The following METTL15 variants were observed in gnomAD, a reference collection of about 807,000 sequenced individuals.
METTL15 encodes the protein 12S rRNA N(4)-cytidine methyltransferase METTL15.
Under a neutral mutation model 38.3 loss-of-function variants are expected in METTL15, and 34 were observed. The observed-to-expected ratio is 0.89, with a 90% CI of 0.68 to 1.18. METTL15 has a LOEUF of 1.18. METTL15 is among the 50% of genes most tolerant of loss of function. The pLI is 0.00. For synonymous variants in METTL15, 162 were observed against 170.9 expected (o/e 0.95, Z 0.41); for missense variants, 438 against 498.4 (o/e 0.88, Z 1.15).
At chr11:28,415,715 A>T (rs1301481687) in intron 5 of METTL15, among the ~76,000 whole-genome samples, 1 of 152,208 alleles carries the variant, frequency 6.6e-6, no homozygotes, top group Non-Finnish European at 1.5e-5. Flanking sequence ...TGAAGTCTAC[A>T]TCAATTCCTT....
At chr11:28,140,816 T>TACTTGTATAAGG (rs1849673162) in intron 3 of METTL15, among the ~76,000 whole-genome samples, 1 of 152,230 alleles carries the variant, frequency 6.6e-6, no homozygotes, top group Non-Finnish European at 1.5e-5. Context: ...TGTGAATTCC[T>TACTTGTATAAGG]TGTCGATTCA....
At position 28,366,271 on chromosome 11, in the gene METTL15, G is replaced by C. The variant is rs76563378; in HGVS notation, c.*358+4235G>C. Among the ~76,000 whole-genome samples the C allele has an allele frequency of 2.6e-5, 4 of 152,180 alleles. No homozygotes were observed. The East Asian group carries it at 7.7e-4, about 29-fold the overall frequency. ...TGGAGGGCAAAAGAATGGAGAGAAA[G>C]CCTTGAATCCATATGGCAGAAGAGC... On this transcript the variant is annotated intron_variant and NMD_transcript_variant, in intron 5 of 7. Coordinates refer to the METTL15 transcript ENST00000532947.
At chr11:28,515,231 T>A (rs1851709642) in intron 6 of METTL15, among the ~76,000 whole-genome samples, 1 of 152,146 alleles carries the variant, frequency 6.6e-6, no homozygotes, top group African/African-American at 2.4e-5. Flanking sequence ...TGGCTCTGCT[T>A]TAAGCTTATC....
Position 28,167,199 on chromosome 11 carries a change from A to G in METTL15, c.271-43863A>G, listed in dbSNP as rs184631095. 4.8e-3 allele frequency among the ~76,000 whole-genome samples: 728 copies of G among 152,236 alleles called. 3 individuals are homozygous for G. Among genetic ancestry groups the G allele is most frequent in the Non-Finnish European group, 8.8e-3 (598 of 68,006 alleles). On this transcript the variant is annotated intron_variant, in intron 3 of 6. Transcript: ENST00000407364. ...TATTACAGCGGGAGTTAGGATGGGTATATTTTGGGTGACTATGAGTTGGAA... is the reference window on the plus strand; with the variant it reads ...TATTACAGCGGGAGTTAGGATGGGTGTATTTTGGGTGACTATGAGTTGGAA...
intron 3 of METTL15, chr11:28,144,781 A>G (rs1281524176): frequency 3.9e-5 from 6 of 153,092 alleles, no homozygotes; most frequent in Non-Finnish European, 7.4e-5. Flanking sequence ...AGTAACAGTC[A>G]TACCACTGAT....
At chr11:28,520,569 G>A (rs895991154) in intron 6 of METTL15, among the ~76,000 whole-genome samples, 1 of 152,078 alleles carries the variant, frequency 6.6e-6, no homozygotes, top group Non-Finnish European at 1.5e-5. Context: ...TTATGGTTAG[G>A]CCACCCTGGG....
At chr11:28,302,449 C>T (rs1250237120) in intron 6 of METTL15, among the ~76,000 whole-genome samples, 1 of 152,014 alleles carries the variant, frequency 6.6e-6, no homozygotes, top group African/African-American at 2.4e-5. Context: ...TGGGAGGGAC[C>T]CACTGGGAGA....
chr11:28,144,770 G>A (rs1247952274), intron 3 of METTL15: 1 of 152,832 alleles, frequency 6.5e-6, no homozygotes, highest in Non-Finnish European at 1.5e-5. Context: ...CCTTTCTTTT[G>A]AGTAACAGTC....
At chr11:28,397,142 A>G (rs1030458926) in intron 5 of METTL15, among the ~76,000 whole-genome samples, 26 of 152,246 alleles carry the variant, frequency 1.7e-4, no homozygotes, top group African/African-American at 6.3e-4. Context: ...AAAACCCTAG[A>G]AGAAAACCTA....
At chr11:28,507,800 T>C (rs1170404532) in intron 6 of METTL15, among the ~76,000 whole-genome samples, 1 of 152,212 alleles carries the variant, frequency 6.6e-6, no homozygotes, top group Admixed American at 6.5e-5. Flanking sequence ...AAACTGCTAC[T>C]TCTCAAGTCC....
chr11:28,113,257 C>T, intron 2 of METTL15, 61 bp from the exon 3 acceptor site: 2 of 1,148,470 alleles, frequency 1.7e-6, no homozygotes, highest in Non-Finnish European at 2.5e-6. Flanking sequence ...TTGATTTTCC[C>T]CAAGTATTAG....
chr11:28,459,490 C>T (rs1339123668), intron 6 of METTL15, among the ~76,000 whole-genome samples: 14 of 152,056 alleles, frequency 9.2e-5, no homozygotes, highest in Non-Finnish European at 1.5e-5. Context: ...AATTTCAGGG[C>T]CGGTAAAATA....
At chr11:28,414,902 T>C (rs145172620) in intron 5 of METTL15, among the ~76,000 whole-genome samples, 1 of 152,288 alleles carries the variant, frequency 6.6e-6, no homozygotes, top group Admixed American at 6.5e-5. Context: ...AAAAATATGA[T>C]GAAAAGAAAA....
At chr11:28,432,308 A>C (rs1850939308) in intron 6 of METTL15, among the ~76,000 whole-genome samples, 1 of 152,236 alleles carries the variant, frequency 6.6e-6, no homozygotes, top group Non-Finnish European at 1.5e-5. Context: ...AATCAAAGTT[A>C]GGTATATCTC....
Position 28,333,183 on chromosome 11 carries a change from G to A in METTL15, c.*2342G>A, listed in dbSNP as rs1849863539. 1 of 151,784 alleles carries A rather than the reference G, an allele frequency of 6.6e-6. No homozygotes were observed. Among genetic ancestry groups the A allele is most frequent in the Non-Finnish European group, 1.5e-5 (1 of 68,004 alleles). The allele number at this position is 151,784 out of a possible 1,614,324, so 9.4% of individuals were successfully genotyped here. A position where few individuals can be genotyped will look rare whatever the true frequency, so the allele number is the denominator to read the frequency against. ...TAAGGTACCCAGTTCATGGTAATTT[G>A]TTACAGCAATCCTAGGAAGCTAATA... On this transcript the variant is annotated 3_prime_UTR_variant, in exon 7 of 7. Coordinates refer to ENST00000407364, the MANE Select transcript of METTL15 (RefSeq NM_001113528.2).
chr11:28,531,460 T>C (rs189313327), downstream of METTL15, among the ~76,000 whole-genome samples: 48 of 152,060 alleles, frequency 3.2e-4, no homozygotes, highest in African/African-American at 1.1e-3. Context: ...AAATCAGAAG[T>C]TTAGGACAGT....
At chr11:28,191,666 T>G (rs1851704666) in intron 3 of METTL15, among the ~76,000 whole-genome samples, 3 of 151,760 alleles carry the variant, frequency 2.0e-5, no homozygotes, top group Admixed American at 2.0e-4. Flanking sequence ...ATATTATGGA[T>G]GAGTTCTTTT....
downstream of METTL15, among the ~76,000 whole-genome samples, chr11:28,336,682 T>C (rs569236358): frequency 1.3e-5 from 2 of 152,322 alleles, no homozygotes; most frequent in East Asian, 1.9e-4. Context: ...ATCTTAACCA[T>C]TGTAACATCA....
chr11:28,132,399 A>G (rs577793896), intron 3 of METTL15, among the ~76,000 whole-genome samples: 1 of 152,232 alleles, frequency 6.6e-6, no homozygotes, highest in East Asian at 1.9e-4. Flanking sequence ...TTTATGTGAG[A>G]AAAATTGAAT....
Sources: gnomAD v4.1 joint callset for allele counts (sites outside exome capture counted in the v4.1 genomes callset) on GRCh38, gnomAD v4.1.1 for gene constraint, MANE v1.5 for transcripts, NCBI Gene and HGNC (gene_info 2026-07-23, HGNC 2026-07-21) for gene names.